LAMB1: variants seen among roughly 807,000 people sequenced by gnomAD.
LAMB1 encodes laminin subunit beta-1.
In LAMB1, 121 loss-of-function variants were observed where a neutral mutation model predicts 222.3. The ratio of observed to expected loss-of-function variants is 0.54; its 90% CI spans 0.47 to 0.63. LAMB1 has a LOEUF of 0.63. LAMB1 is among the 30% of genes least tolerant of loss of function. LAMB1 has a pLI of 0.00. For missense variants in LAMB1, 2,172 were observed against 2,240.8 expected (o/e 0.97, Z 0.62); for synonymous variants, 794 against 807.2 (o/e 0.98, Z 0.28).
rs1339826253 is a variant in LAMB1, at chr7:108,002,059, T to C, written c.38-326A>G. 4 of 1,457,772 alleles carry C rather than the reference T, an allele frequency of 2.7e-6. No homozygotes were observed. The African/African-American group carries it at 6.0e-5, about 22-fold the overall frequency. 90.3% of individuals were successfully genotyped at this position (1,457,772 alleles called of 1,614,324 possible). ...CAGCTCCCCCAACAAAGGGTGGATGTGTAGACCCTCCACTTCGACGTGTCC... is the reference window on the plus strand; with the variant it reads ...CAGCTCCCCCAACAAAGGGTGGATGCGTAGACCCTCCACTTCGACGTGTCC... On this transcript the variant is annotated intron_variant, in intron 2 of 33. Transcript: ENST00000222399.
rs774999565 is a variant in LAMB1, at chr7:107,981,318, TC to T, written c.677-508del. On this transcript the variant is annotated intron_variant, in intron 7 of 33. Coordinates refer to ENST00000222399, the MANE Select transcript of LAMB1 (RefSeq NM_002291.3). ...CAAAAAGTAGCTGGGCATCATGGCATCCGCCTGTAATCCCAGCTACTAGGGA... is the reference window on the plus strand; with the variant it reads ...CAAAAAGTAGCTGGGCATCATGGCATCGCCTGTAATCCCAGCTACTAGGGA... 2.6e-5 allele frequency among the ~76,000 whole-genome samples: 4 copies of T among 152,036 alleles called. No individual in the cohort carries two copies. In the East Asian group the frequency reaches 7.7e-4, roughly 29 times the overall value.
chr7:107,994,515 T>C (rs1179964575), intron 5 of LAMB1, among the ~76,000 whole-genome samples: 1 of 152,162 alleles, frequency 6.6e-6, no homozygotes, highest in African/African-American at 2.4e-5. Context: ...CACACTTCCT[T>C]TCCAGTTACC....
At chr7:107,991,473 G>A (rs892924883) in intron 5 of LAMB1, among the ~76,000 whole-genome samples, 1 of 151,956 alleles carries the variant, frequency 6.6e-6, no homozygotes, top group Non-Finnish European at 1.5e-5. Context: ...TGTAATCCCA[G>A]CTACTTGGGG....
chr7:107,975,140 G>T (rs2033825712), intron 11 of LAMB1, 42 bp from the exon 12 acceptor site: 1 of 1,538,630 alleles, frequency 6.5e-7, no homozygotes, highest in Admixed American at 1.7e-5. Flanking sequence ...CAGACCACGT[G>T]AGTTTCAAAT....
intron 25 of LAMB1, 25 bp downstream of exon 25, chr7:107,939,963 AT>A (rs747599844): frequency 7.9e-5 from 126 of 1,599,306 alleles, no homozygotes; most frequent in African/African-American, 1.3e-5. Flanking sequence ...TTTATGAGTA[AT>A]TCCTCTGGCT....
At chr7:107,964,756 T>C (rs1384994939) in intron 13 of LAMB1, 69 bp from the exon 14 acceptor site, 1 of 1,563,110 alleles carries the variant, frequency 6.4e-7, no homozygotes, top group Non-Finnish European at 8.8e-7. Flanking sequence ...GAAGCAGCTC[T>C]ACAGCTGCCA....
chr7:108,002,802 C>T, intron 2 of LAMB1, 47 bp downstream of exon 2: 2 of 1,613,342 alleles, frequency 1.2e-6, no homozygotes. Flanking sequence ...TTTTCCTTCC[C>T]CATGCCCAAG....
chr7:107,991,408 T>G (rs2150450239), intron 5 of LAMB1, among the ~76,000 whole-genome samples: 1 of 152,162 alleles, frequency 6.6e-6, no homozygotes, highest in Admixed American at 6.5e-5. Context: ...ACTAACATGG[T>G]GAAGCCCCGT....
chr7:107,929,498 G>T lies in LAMB1; in HGVS notation c.4659C>A (p.Ser1553Arg). ...LTEDIRERVE[S>R]LSQVEVILQH... ...GAAGAATAACCTCTACTTGAGAAAGGCTTTCAACTCGTTCACGTATATCTT... is the reference window on the plus strand; with the variant it reads ...GAAGAATAACCTCTACTTGAGAAAGTCTTTCAACTCGTTCACGTATATCTT... The change falls in exon 30 of 34, where the codon AGC becomes AGA. Residue 1553 changes from serine (S) to arginine (R), a missense_variant. Transcript: ENST00000222399. The T allele has an allele frequency of 1.2e-6, 2 of 1,614,072 alleles. No individual in the cohort carries two copies. The highest frequency in any genetic ancestry group is 1.7e-6 in the Non-Finnish European group (2 of 1,179,960).
intron 2 of LAMB1, 113 bp from the exon 3 acceptor site, chr7:108,001,846 G>A: frequency 6.6e-7 from 1 of 1,517,212 alleles, no homozygotes; most frequent in African/African-American, 1.4e-5. Context: ...AGTCCATTCG[G>A]AAGAAAGCAA....
rs2034252421 is a variant in LAMB1 at position 107,994,761 on chromosome 7, C to T, written c.423+126G>A. ...TCGTTTTAAAAACTGCTCAATTACC[C>T]CAATTTATGGCAACAATAATATTTA... On this transcript the variant is annotated intron_variant, in intron 5 of 33. Coordinates refer to ENST00000222399, the MANE Select transcript of LAMB1 (RefSeq NM_002291.3). 5.6e-6 allele frequency: 3 copies of T among 537,616 alleles called. No homozygotes were observed. In the South Asian group the frequency reaches 1.0e-4, roughly 18 times the overall value. 33.3% of individuals were successfully genotyped at this position (537,616 alleles called of 1,614,324 possible). A position where few individuals can be genotyped will look rare whatever the true frequency, so the allele number is the denominator to read the frequency against.
intron 24 of LAMB1, among the ~76,000 whole-genome samples, chr7:107,946,835 T>C (rs1335378111): frequency 6.6e-6 from 1 of 152,174 alleles, no homozygotes. Flanking sequence ...CACTGTGTTT[T>C]TCTACTAAAA....
intron 24 of LAMB1, among the ~76,000 whole-genome samples, chr7:107,943,514 C>T (rs2033042929): frequency 6.6e-6 from 1 of 152,110 alleles, no homozygotes; most frequent in Non-Finnish European, 1.5e-5. Flanking sequence ...AAAATTTAGT[C>T]ATCTTCCAGA....
chr7:107,992,340 A>G (rs569110597), intron 5 of LAMB1, among the ~76,000 whole-genome samples: 1 of 152,324 alleles, frequency 6.6e-6, no homozygotes, highest in South Asian at 2.1e-4. Context: ...CACATACTGT[A>G]AGTTATTTGC....
At chr7:107,987,231 T>C (rs1485626935) in intron 5 of LAMB1, among the ~76,000 whole-genome samples, 7 of 152,216 alleles carry the variant, frequency 4.6e-5, no homozygotes, top group Admixed American at 4.6e-4. Flanking sequence ...TCCACTTGTA[T>C]GAAATACCTA....
At chr7:107,956,596 A>G (rs73195556) in intron 20 of LAMB1, among the ~76,000 whole-genome samples, 417 of 152,258 alleles carry the variant, frequency 2.7e-3, no homozygotes, top group Non-Finnish European at 4.6e-3. Flanking sequence ...CCCTCCTTGT[A>G]TTACAGAGTC....
chr7:107,945,607 GA>G (rs1307872985), intron 24 of LAMB1, among the ~76,000 whole-genome samples: 3 of 152,208 alleles, frequency 2.0e-5, no homozygotes, highest in Non-Finnish European at 4.4e-5. Context: ...CAGGCTTGTG[GA>G]AACAGCTGGG....
intron 13 of LAMB1, among the ~76,000 whole-genome samples, chr7:107,965,986 T>C (rs1229599046): frequency 1.3e-5 from 2 of 151,544 alleles, no homozygotes; most frequent in Non-Finnish European, 2.9e-5. Context: ...TAATCTCAGC[T>C]ACTCGGGAGG....
chr7:107,986,761 T>A (rs189020374), intron 5 of LAMB1, among the ~76,000 whole-genome samples: 48 of 152,322 alleles, frequency 3.2e-4, no homozygotes, highest in African/African-American at 1.2e-3. Context: ...CTCCTTAGTA[T>A]CAGCCAGTGG....
Sources: allele counts gnomAD v4.1 joint callset (sites outside exome capture counted in the v4.1 genomes callset), GRCh38; gene constraint gnomAD v4.1.1; transcripts MANE v1.5; gene names NCBI Gene and HGNC (gene_info 2026-07-23, HGNC 2026-07-21).